CHRNA7: variants seen among roughly 807,000 people sequenced by gnomAD.
The protein encoded by CHRNA7 is neuronal acetylcholine receptor subunit alpha-7.
A neutral mutation model predicts 48.0 loss-of-function variants in CHRNA7; 17 were observed. The ratio of observed to expected loss-of-function variants is 0.35; its 90% confidence interval spans 0.24 to 0.53. The LOEUF (loss-of-function observed/expected upper bound fraction) is 0.53. Ranked by LOEUF, CHRNA7 falls within the 20% of genes least tolerant of loss-of-function variation. CHRNA7 has a pLI of 0.92. For synonymous variants in CHRNA7, 75 were observed against 242.3 expected (o/e 0.31, Z 6.41); for missense variants, 155 against 577.7 (o/e 0.27, Z 7.50).
At chr15:32,079,133 G>T (rs1256236763) in intron 2 of CHRNA7, among the ~76,000 whole-genome samples, 1 of 152,110 alleles carries the variant, frequency 6.6e-6, no homozygotes, top group African/African-American at 2.4e-5. Flanking sequence ...AATAAACTAG[G>T]TATTGATGGG....
chr15:32,148,536 G>A (rs2051541561), intron 4 of CHRNA7, among the ~76,000 whole-genome samples: 1 of 152,210 alleles, frequency 6.6e-6, no homozygotes, highest in South Asian at 2.1e-4. Flanking sequence ...ATGAGACCAG[G>A]CACCATTGTG....
At chr15:32,069,222 G>A (rs147242634) in intron 2 of CHRNA7, among the ~76,000 whole-genome samples, 1 of 152,150 alleles carries the variant, frequency 6.6e-6, no homozygotes, top group Non-Finnish European at 1.5e-5. Flanking sequence ...TATTTCCTAA[G>A]GGTCAAGTAT....
chr15:32,060,689 G>A (rs1444462906), intron 2 of CHRNA7, among the ~76,000 whole-genome samples: 1 of 152,200 alleles, frequency 6.6e-6, no homozygotes, highest in Non-Finnish European at 1.5e-5. Context: ...TCAAGAGATA[G>A]ACTTAAATCA....
chr15:32,124,119 T>C (rs1269553338), intron 4 of CHRNA7, among the ~76,000 whole-genome samples: 1 of 151,946 alleles, frequency 6.6e-6, no homozygotes, highest in Non-Finnish European at 1.5e-5. Flanking sequence ...TTTCAAAAAA[T>C]CAAAATCCAA....
At chr15:32,091,657 G>T (rs951495813) in intron 2 of CHRNA7, among the ~76,000 whole-genome samples, 4 of 152,244 alleles carry the variant, frequency 2.6e-5, no homozygotes, top group Admixed American at 2.6e-4. Flanking sequence ...TAGGTGGGGG[G>T]TTTGGTTCAG....
At chr15:32,127,660 G>A (rs1278456953) in intron 4 of CHRNA7, among the ~76,000 whole-genome samples, 1 of 151,910 alleles carries the variant, frequency 6.6e-6, no homozygotes, top group Non-Finnish European at 1.5e-5. Flanking sequence ...GTGGGGTTTT[G>A]TTTGTTTTAT....
chr15:32,165,052 GC>G (rs933382358), intron 9 of CHRNA7, among the ~76,000 whole-genome samples: 2 of 97,966 alleles, frequency 2.0e-5, no homozygotes, highest in African/African-American at 4.0e-5. Context: ...TTTTGTGAAG[GC>G]CCCCCCTTAA....
chr15:32,049,632 T>C (rs1381975126), intron 2 of CHRNA7, among the ~76,000 whole-genome samples: 1 of 152,220 alleles, frequency 6.6e-6, no homozygotes, highest in Non-Finnish European at 1.5e-5. Context: ...AATTGGAGCA[T>C]TTAGTCCATT....
At chr15:32,085,501 TAG>T (rs1322020985) in intron 2 of CHRNA7, among the ~76,000 whole-genome samples, 28 of 152,260 alleles carry the variant, frequency 1.8e-4, no homozygotes, top group Admixed American at 2.6e-4. Flanking sequence ...TACAGTTGAA[TAG>T]CATCTTAGAT....
chr15:32,092,001 T>C (rs2133966), intron 2 of CHRNA7, among the ~76,000 whole-genome samples: 149,681 of 152,246 alleles, frequency 0.98, 73,634 homozygotes, highest in East Asian at 1. Flanking sequence ...TGTATTATCC[T>C]GGCATACTTA....
intron 2 of CHRNA7, among the ~76,000 whole-genome samples, chr15:32,076,907 C>T (rs117126238): frequency 0.017 from 2,609 of 152,218 alleles, 39 homozygotes; most frequent in Non-Finnish European, 0.024. Context: ...TCACTGCCCC[C>T]CAAGTCTTCT....
At chr15:32,141,665 T>C (rs1359947258) in intron 4 of CHRNA7, among the ~76,000 whole-genome samples, 1 of 152,216 alleles carries the variant, frequency 6.6e-6, no homozygotes, top group Non-Finnish European at 1.5e-5. Context: ...TTCCTAGGTA[T>C]TTTATTCTCT....
chr15:32,049,786 G>C (rs1326498881), intron 2 of CHRNA7, among the ~76,000 whole-genome samples: 1 of 152,152 alleles, frequency 6.6e-6, no homozygotes, highest in Non-Finnish European at 1.5e-5. Flanking sequence ...AGCTAGTACC[G>C]GTTGTGCCTT....
intron 2 of CHRNA7, among the ~76,000 whole-genome samples, chr15:32,039,474 A>C (rs1383993768): frequency 6.6e-6 from 1 of 152,128 alleles, no homozygotes; most frequent in Non-Finnish European, 1.5e-5. Context: ...TTTTCATTTC[A>C]GTTAAAATAT....
chr15:32,035,724 A>C (rs778286188), intron 2 of CHRNA7, among the ~76,000 whole-genome samples: 1 of 152,232 alleles, frequency 6.6e-6, no homozygotes, highest in Non-Finnish European at 1.5e-5. Flanking sequence ...CATACCTAGA[A>C]TATATTGTAA....
intron 2 of CHRNA7, among the ~76,000 whole-genome samples, chr15:32,035,299 T>A (rs185469744): frequency 1.3e-4 from 20 of 152,310 alleles, no homozygotes; most frequent in Admixed American, 3.3e-4. Context: ...CCTGAGCACA[T>A]GCATCTGAAG....
intron 2 of CHRNA7, among the ~76,000 whole-genome samples, chr15:32,091,107 C>T (rs968662312): frequency 1.3e-5 from 2 of 152,096 alleles, no homozygotes; most frequent in Non-Finnish European, 2.9e-5. Context: ...CGTTTTTACC[C>T]CTAGAATATC....
chr15:32,138,260 T>G (rs917006899), intron 4 of CHRNA7, among the ~76,000 whole-genome samples: 1 of 152,214 alleles, frequency 6.6e-6, no homozygotes, highest in Non-Finnish European at 1.5e-5. Context: ...GAAAAATACT[T>G]AAAAATAGAA....
chr15:32,148,838 G>C (rs151264290), intron 4 of CHRNA7, among the ~76,000 whole-genome samples: 179 of 152,334 alleles, frequency 1.2e-3, no homozygotes, highest in South Asian at 2.5e-3. Flanking sequence ...ATCTCCAAGT[G>C]TGTGATCCCA....
Sources: gnomAD v4.1 joint callset for allele counts (sites outside exome capture counted in the v4.1 genomes callset) on GRCh38, gnomAD v4.1.1 for gene constraint, MANE v1.5 for transcripts, NCBI Gene and HGNC (gene_info 2026-07-23, HGNC 2026-07-21) for gene names.